Variants in PDE4D observed in about 807,000 individuals in gnomAD.
The protein encoded by PDE4D is phosphodiesterase 4D, also known as 3',5'-cyclic-AMP phosphodiesterase 4D.
PDE4D carries 24 observed loss-of-function variants against 87.4 expected under a neutral mutation model. The ratio of observed to expected loss-of-function variants is 0.27; its 90% CI spans 0.20 to 0.39. The LOEUF (loss-of-function observed/expected upper bound fraction) is 0.39, where lower values mean the gene tolerates loss of function less well. PDE4D is among the 10% of genes least tolerant of loss of function. The pLI, the probability that PDE4D is intolerant of heterozygous loss-of-function variation, is 1.00. For synonymous variants in PDE4D, 384 were observed against 383.2 expected (o/e 1.00, Z -0.02); for missense variants, 714 against 1,041.0 (o/e 0.69, Z 4.32).
At chr5:60,086,656 A>G (rs1175173933) in intron 2 of PDE4D, among the ~76,000 whole-genome samples, 1 of 152,248 alleles carries the variant, frequency 6.6e-6, no homozygotes, top group Non-Finnish European at 1.5e-5. Flanking sequence ...CAATAATTCC[A>G]TCTGCTGCCT....
chr5:59,955,446 C>T (rs1758722558), intron 3 of PDE4D, among the ~76,000 whole-genome samples: 1 of 152,142 alleles, frequency 6.6e-6, no homozygotes, highest in South Asian at 2.1e-4. Context: ...CATGCTGCCC[C>T]ATCCAAATCC....
intron 5 of PDE4D, among the ~76,000 whole-genome samples, chr5:59,092,799 A>G (rs1034725604): frequency 9.2e-5 from 14 of 152,204 alleles, no homozygotes; most frequent in Non-Finnish European, 1.8e-4. Context: ...ATACATAGTG[A>G]GCACGCATTG....
chr5:60,298,734 A>G (rs1222233316), intron 1 of PDE4D, among the ~76,000 whole-genome samples: 1 of 152,210 alleles, frequency 6.6e-6, no homozygotes, highest in African/African-American at 2.4e-5. Flanking sequence ...GTATCCATCA[A>G]TGAGGATGAT....
intron 1 of PDE4D, among the ~76,000 whole-genome samples, chr5:60,361,857 T>C (rs189495216): frequency 1.1e-3 from 163 of 152,222 alleles, no homozygotes; most frequent in Non-Finnish European, 2.0e-3. Context: ...CAGTCGCACA[T>C]CTTAGTCCAC....
Position 59,194,957 on chromosome 5 carries a change from G to A in PDE4D, c.648-1421C>T, listed in dbSNP as rs182855722. Reference sequence around the variant, plus strand: ...TCACACTCATGAATGAATTAATGCTGTTATGGTGGGAGGGGGTTAGTTATC... The same window carrying A: ...TCACACTCATGAATGAATTAATGCTATTATGGTGGGAGGGGGTTAGTTATC... On this transcript the variant is annotated intron_variant, in intron 2 of 14. Transcript: ENST00000340635. Among the ~76,000 whole-genome samples the A allele has an allele frequency of 2.6e-5, 4 of 152,322 alleles. No individual in the cohort carries two copies. In the South Asian group the frequency reaches 8.3e-4, roughly 32 times the overall value.
intron 1 of PDE4D, among the ~76,000 whole-genome samples, chr5:59,610,582 A>T (rs1356259483): frequency 6.6e-6 from 1 of 152,176 alleles, no homozygotes; most frequent in Non-Finnish European, 1.5e-5. Flanking sequence ...ATGTTCATTG[A>T]TTCAAAGCTT....
chr5:59,504,749 C>T (rs1275058834), intron 1 of PDE4D, among the ~76,000 whole-genome samples: 1 of 152,118 alleles, frequency 6.6e-6, no homozygotes, highest in Non-Finnish European at 1.5e-5. Flanking sequence ...CATGGCCTCA[C>T]CCACTAAAAG....
intron 11 of PDE4D, among the ~76,000 whole-genome samples, chr5:58,984,275 A>C (rs1745903536): frequency 6.6e-6 from 1 of 152,168 alleles, no homozygotes; most frequent in Admixed American, 6.5e-5. Context: ...ACCCTGCATT[A>C]TTTTCCTCCA....
intron 3 of PDE4D, among the ~76,000 whole-genome samples, chr5:59,190,798 T>C (rs1744133792): frequency 3.3e-5 from 5 of 152,226 alleles, no homozygotes; most frequent in Admixed American, 2.6e-4. Context: ...CCACAGATGC[T>C]CTATGAAGAG....
intron 3 of PDE4D, among the ~76,000 whole-genome samples, chr5:59,910,050 G>C (rs1753279446): frequency 6.6e-6 from 1 of 152,128 alleles, no homozygotes; most frequent in Admixed American, 6.5e-5. Context: ...CCAAACACAA[G>C]GCAATGTCAA....
chr5:60,127,657 G>A lies in PDE4D; in HGVS notation c.42+57900C>T, dbSNP rs548700484. 1.7e-4 allele frequency: 104 copies of A among 599,102 alleles called. 1 individual carries two copies. The South Asian group carries it at 2.0e-3, about 11-fold the overall frequency. The allele number at this position is 599,102 out of a possible 1,614,324, so 37.1% of individuals were successfully genotyped here. ...ATTCATAGTTTTAAGGGCCACAAGA[G>A]AAAAATCAGGTCGCAGTAAGCAGGC... On this transcript the variant is annotated intron_variant, in intron 2 of 16. Coordinates refer to the PDE4D transcript ENST00000502484.
intron 1 of PDE4D, among the ~76,000 whole-genome samples, chr5:59,590,148 T>C (rs903330946): frequency 1.3e-5 from 2 of 152,218 alleles, no homozygotes; most frequent in African/African-American, 4.8e-5. Context: ...TCCAGCATTT[T>C]ATTCCATTTA....
At chr5:59,953,719 T>G (rs1452329784) in intron 3 of PDE4D, among the ~76,000 whole-genome samples, 1 of 152,204 alleles carries the variant, frequency 6.6e-6, no homozygotes, top group Non-Finnish European at 1.5e-5. Flanking sequence ...CAATTAATAT[T>G]ATATAATTCA....
intron 1 of PDE4D, among the ~76,000 whole-genome samples, chr5:59,349,923 C>T (rs1480871713): frequency 1.3e-5 from 2 of 152,136 alleles, no homozygotes; most frequent in African/African-American, 4.8e-5. Context: ...ACAGAAAACA[C>T]TCAAACTGTA....
At chr5:59,522,894 T>C (rs1812487314) in intron 1 of PDE4D, among the ~76,000 whole-genome samples, 1 of 152,218 alleles carries the variant, frequency 6.6e-6, no homozygotes, top group Non-Finnish European at 1.5e-5. Context: ...ACAAGTTGTA[T>C]ACACCATTTA....
chr5:59,075,863 A>G (rs1008485058), intron 5 of PDE4D, among the ~76,000 whole-genome samples: 8 of 152,078 alleles, frequency 5.3e-5, no homozygotes, highest in African/African-American at 1.9e-4. Context: ...TTAAAGACCC[A>G]TACTATCTTT....
intron 6 of PDE4D, among the ~76,000 whole-genome samples, chr5:59,023,278 G>C (rs1232099307): frequency 5.3e-5 from 8 of 151,892 alleles, no homozygotes; most frequent in Non-Finnish European, 1.0e-4. Context: ...CCAGAAAATA[G>C]TCATCTTTAC....
intron 2 of PDE4D, among the ~76,000 whole-genome samples, chr5:60,012,538 C>T (rs907048750): frequency 2.0e-5 from 3 of 152,184 alleles, no homozygotes; most frequent in Middle Eastern, 3.4e-3. Context: ...ATAGGAGTAC[C>T]GGCAATTCCG....
At chr5:59,259,407 G>A (rs1353440852) in intron 1 of PDE4D, among the ~76,000 whole-genome samples, 2 of 151,816 alleles carry the variant, frequency 1.3e-5, no homozygotes, top group Admixed American at 6.6e-5. Flanking sequence ...TAATAGCTCA[G>A]CTCTATGTTT....
Sources: allele counts gnomAD v4.1 joint callset (sites outside exome capture counted in the v4.1 genomes callset), GRCh38; gene constraint gnomAD v4.1.1; transcripts MANE v1.5; gene names NCBI Gene and HGNC (gene_info 2026-07-23, HGNC 2026-07-21).